Variants in MYO16 observed in about 807,000 individuals in gnomAD.
The protein encoded by MYO16 is myosin XVI.
MYO16 carries 94 observed loss-of-function variants against 205.3 expected under a neutral mutation model. That is an observed-to-expected ratio of 0.46 (90% CI 0.39 to 0.54). The LOEUF is 0.54. Ranked by LOEUF, MYO16 falls within the 20% of genes least tolerant of loss-of-function variation. MYO16 has a pLI of 0.00. For missense variants in MYO16, 2,315 were observed against 2,387.5 expected, an observed-to-expected ratio of 0.97 and a Z score of 0.63; for synonymous variants, 988 against 954.0, an observed-to-expected ratio of 1.04 and a Z score of -0.66.
At chr13:108,674,244 T>G (rs1350274728) in intron 2 of MYO16, among the ~76,000 whole-genome samples, 1 of 152,212 alleles carries the variant, frequency 6.6e-6, no homozygotes, top group Non-Finnish European at 1.5e-5. Context: ...GAAATAAGAC[T>G]GCCCATTTAA....
chr13:108,868,212 A>T (rs1232766285), intron 12 of MYO16, among the ~76,000 whole-genome samples: 1 of 152,160 alleles, frequency 6.6e-6, no homozygotes, highest in African/African-American at 2.4e-5. Context: ...CAGTTTTGAT[A>T]AATATCGACA....
intron 1 of MYO16, among the ~76,000 whole-genome samples, chr13:108,603,583 G>A (rs1210903075): frequency 6.6e-6 from 1 of 151,720 alleles, no homozygotes; most frequent in Non-Finnish European, 1.5e-5. Context: ...TTCAATTCAT[G>A]TGATTAACTT....
intron 16 of MYO16, among the ~76,000 whole-genome samples, chr13:108,947,308 G>C (rs1010340697): frequency 6.6e-6 from 1 of 152,004 alleles, no homozygotes; most frequent in African/African-American, 2.4e-5. Context: ...GTTCAGCCTC[G>C]CCTGCGGCAT....
chr13:108,708,898 C>A (rs1430679367), intron 2 of MYO16, among the ~76,000 whole-genome samples: 1 of 152,114 alleles, frequency 6.6e-6, no homozygotes, highest in African/African-American at 2.4e-5. Flanking sequence ...ATTAAAGCTA[C>A]TTAGCAAATT....
intron 3 of MYO16, among the ~76,000 whole-genome samples, chr13:108,723,040 C>T (rs1053275017): frequency 6.6e-6 from 1 of 152,046 alleles, no homozygotes; most frequent in Admixed American, 6.5e-5. Flanking sequence ...CGACCTCACA[C>T]CATGCTTTTT....
chr13:109,009,082 G>T (rs563660546), intron 22 of MYO16, 33 bp downstream of exon 22: 21 of 1,503,606 alleles, frequency 1.4e-5, no homozygotes, highest in Middle Eastern at 3.5e-4. Flanking sequence ...TACTTAACAG[G>T]ATATATGGGT....
intron 2 of MYO16, among the ~76,000 whole-genome samples, chr13:108,685,645 C>T (rs1038618869): frequency 2.6e-5 from 4 of 152,182 alleles, no homozygotes; most frequent in Non-Finnish European, 5.9e-5. Context: ...ATCCTGCTGA[C>T]GGTCTATATG....
At chr13:108,873,830 T>A (rs1879195149) in intron 12 of MYO16, among the ~76,000 whole-genome samples, 1 of 152,244 alleles carries the variant, frequency 6.6e-6, no homozygotes, top group South Asian at 2.1e-4. Context: ...GGTCCATGAT[T>A]GTGCTGCCTA....
At chr13:109,081,426 T>C (rs1307871110) in intron 27 of MYO16, among the ~76,000 whole-genome samples, 1 of 152,156 alleles carries the variant, frequency 6.6e-6, no homozygotes, top group African/African-American at 2.4e-5. Context: ...ATGTTGAGGA[T>C]ACAAAGATGA....
intron 2 of MYO16, among the ~76,000 whole-genome samples, chr13:108,672,019 A>G (rs906062218): frequency 1.3e-5 from 2 of 152,202 alleles, no homozygotes; most frequent in African/African-American, 4.8e-5. Flanking sequence ...CAAGTATAAA[A>G]TAATGGATAT....
chr13:108,687,749 C>G (rs1476713544), intron 2 of MYO16, among the ~76,000 whole-genome samples: 1 of 152,140 alleles, frequency 6.6e-6, no homozygotes, highest in African/African-American at 2.4e-5. Flanking sequence ...TTTTTGGGAA[C>G]AGTGTAATAT....
At chr13:109,204,192 A>G (rs1392854902) in intron 34 of MYO16, among the ~76,000 whole-genome samples, 1 of 152,226 alleles carries the variant, frequency 6.6e-6, no homozygotes, top group Non-Finnish European at 1.5e-5. Flanking sequence ...CCAGAAGTGA[A>G]CGTTCCTCAG....
At chr13:108,898,677 T>C (rs1439952513) in intron 15 of MYO16, among the ~76,000 whole-genome samples, 1 of 152,106 alleles carries the variant, frequency 6.6e-6, no homozygotes, top group African/African-American at 2.4e-5. Context: ...CTGAATTAAA[T>C]CTAAACATCA....
intron 32 of MYO16, among the ~76,000 whole-genome samples, chr13:109,161,451 C>T (rs765801202): frequency 6.6e-6 from 1 of 152,166 alleles, no homozygotes; most frequent in Non-Finnish European, 1.5e-5. Flanking sequence ...CTTCCCCAAG[C>T]CTCAATGATC....
At chr13:108,567,742 C>A in the MYO16 span, among the ~76,000 whole-genome samples, 2 of 152,184 alleles carry the variant, frequency 1.3e-5, no homozygotes. Flanking sequence ...TTAAAGCATA[C>A]AATTCAATAA....
At chr13:109,157,288 G>T (rs1878113000) in intron 32 of MYO16, among the ~76,000 whole-genome samples, 1 of 143,074 alleles carries the variant, frequency 7.0e-6, no homozygotes, top group Admixed American at 7.0e-5. Flanking sequence ...TTCACAGCAT[G>T]CCCTTGCTCA....
chr13:108,936,432 T>C (rs1305847732), intron 16 of MYO16, among the ~76,000 whole-genome samples: 1 of 152,058 alleles, frequency 6.6e-6, no homozygotes, highest in Non-Finnish European at 1.5e-5. Flanking sequence ...TGTTTCAGTT[T>C]CTCCCTGATT....
chr13:108,738,994 A>C (rs180980182), intron 4 of MYO16, among the ~76,000 whole-genome samples: 2,545 of 152,122 alleles, frequency 0.017, 66 homozygotes, highest in African/African-American at 0.058. Context: ...TTCTTGGTAG[A>C]TCTTCCTCCA....
intron 2 of MYO16, among the ~76,000 whole-genome samples, chr13:108,691,488 GA>G (rs1882895897): frequency 6.6e-6 from 1 of 151,994 alleles, no homozygotes; most frequent in Non-Finnish European, 1.5e-5. Context: ...ATTTGTACTA[GA>G]AACAATTATT....
Sources: allele counts gnomAD v4.1 joint callset (sites outside exome capture counted in the v4.1 genomes callset), GRCh38; gene constraint gnomAD v4.1.1; transcripts MANE v1.5; gene names NCBI Gene and HGNC (gene_info 2026-07-23, HGNC 2026-07-21).